LIPI: variants seen among roughly 807,000 people sequenced by gnomAD.
LIPI encodes lipase I.
LIPI carries 59 observed loss-of-function variants against 50.6 expected under a neutral mutation model. The observed-to-expected ratio is 1.16, with a 90% CI of 0.94 to 1.45. The LOEUF is 1.45. Ranked by LOEUF, LIPI falls within the 40% of genes most tolerant of loss-of-function variation. The pLI is 0.00. For missense variants in LIPI, 586 were observed against 536.3 expected (o/e 1.09, Z -0.92); for synonymous variants, 203 against 178.2 (o/e 1.14, Z -1.11).
chr21:14,187,088 C>T (rs1467253617), intron 2 of LIPI, among the ~76,000 whole-genome samples: 2 of 152,158 alleles, frequency 1.3e-5, no homozygotes, highest in African/African-American at 4.8e-5. Context: ...TAATGATTCT[C>T]ACTTCAGAGA....
intron 8 of LIPI, among the ~76,000 whole-genome samples, chr21:14,151,119 T>A (rs2018074918): frequency 1.3e-5 from 2 of 152,214 alleles, no homozygotes; most frequent in Non-Finnish European, 2.9e-5. Flanking sequence ...ACAGGTATTT[T>A]ATATTTTCGT....
At chr21:14,205,002 A>G (rs532280515) in intron 1 of LIPI, among the ~76,000 whole-genome samples, 1 of 151,954 alleles carries the variant, frequency 6.6e-6, no homozygotes, top group South Asian at 2.1e-4. Flanking sequence ...AAGGTAGGAA[A>G]GGAACTAATA....
At chr21:14,148,955 T>C (rs1388294641) in intron 8 of LIPI, among the ~76,000 whole-genome samples, 1 of 152,334 alleles carries the variant, frequency 6.6e-6, no homozygotes, top group Non-Finnish European at 1.5e-5. Context: ...TAGAATATAA[T>C]GTTTGTAAAT....
chr21:14,115,541 G>A (rs1254966848), intron 9 of LIPI, among the ~76,000 whole-genome samples: 1 of 152,064 alleles, frequency 6.6e-6, no homozygotes, highest in Non-Finnish European at 1.5e-5. Flanking sequence ...CATTTCTGGG[G>A]GCTCATCTGG....
intron 9 of LIPI, among the ~76,000 whole-genome samples, chr21:14,135,528 T>C (rs1224952794): frequency 3.3e-5 from 5 of 152,072 alleles, no homozygotes. Context: ...TGAGAGGCAT[T>C]GAATTCTGTG....
chr21:14,196,952 A>G (rs1600930803), intron 1 of LIPI, among the ~76,000 whole-genome samples: 1 of 152,134 alleles, frequency 6.6e-6, no homozygotes, highest in Admixed American at 6.6e-5. Context: ...TAAATAATAG[A>G]AAAAATATAA....
intron 9 of LIPI, among the ~76,000 whole-genome samples, chr21:14,126,876 A>C (rs1329155560): frequency 2.0e-5 from 3 of 152,192 alleles, no homozygotes; most frequent in African/African-American, 4.8e-5. Flanking sequence ...AAAAAGCAGC[A>C]TCAGGAAGTT....
At chr21:14,153,198 G>T (rs1474611721) in intron 7 of LIPI, among the ~76,000 whole-genome samples, 1 of 152,026 alleles carries the variant, frequency 6.6e-6, no homozygotes, top group East Asian at 1.9e-4. Flanking sequence ...ACTAAACTTT[G>T]GTAGAGTATA....
At chr21:14,115,707 G>C (rs1600824297) in intron 9 of LIPI, among the ~76,000 whole-genome samples, 1 of 152,234 alleles carries the variant, frequency 6.6e-6, no homozygotes, top group Non-Finnish European at 1.5e-5. Flanking sequence ...AAACGGAACC[G>C]ACTCAGGAGT....
intron 1 of LIPI, among the ~76,000 whole-genome samples, chr21:14,202,453 C>G (rs1169669249): frequency 6.6e-6 from 1 of 152,144 alleles, no homozygotes; most frequent in African/African-American, 2.4e-5. Flanking sequence ...CTACAGTATC[C>G]AAAACAGCAT....
intron 2 of LIPI, among the ~76,000 whole-genome samples, chr21:14,187,191 A>C (rs991716871): frequency 6.6e-6 from 1 of 152,126 alleles, no homozygotes; most frequent in Admixed American, 6.6e-5. Context: ...CCAACGTCTG[A>C]ATACCTCTTA....
At chr21:14,135,159 C>T (rs1166545669) in intron 9 of LIPI, among the ~76,000 whole-genome samples, 1 of 152,014 alleles carries the variant, frequency 6.6e-6, no homozygotes, top group African/African-American at 2.4e-5. Context: ...AGAAGACATA[C>T]AAGCAACCAA....
chr21:14,120,546 G>T (rs2123334508), intron 9 of LIPI, among the ~76,000 whole-genome samples: 1 of 152,324 alleles, frequency 6.6e-6, no homozygotes, highest in South Asian at 2.1e-4. Context: ...ACATCAAACA[G>T]GAGGAAGTGA....
Position 14,119,990 on chromosome 21 carries a change from T to C in LIPI, c.1296-10910A>G, listed in dbSNP as rs369986972. ...CCTAAGATGCTAAGATATCAAGGGC[T>C]CCTATGTGAGAATACATACATCACC... is the stretch of plus-strand genomic sequence containing the variant. On this transcript the variant is annotated intron_variant, in intron 9 of 9. Coordinates refer to ENST00000681601, the MANE Select transcript of LIPI (RefSeq NM_001302998.2). 1.4e-4 allele frequency among the ~76,000 whole-genome samples: 21 copies of C among 152,234 alleles called. No individual in the cohort carries two copies. In the South Asian group the frequency reaches 4.4e-3, roughly 32 times the overall value.
At chr21:14,117,639 A>C (rs2822411) in intron 9 of LIPI, among the ~76,000 whole-genome samples, 96,837 of 152,026 alleles carry the variant, frequency 0.64, 31,365 homozygotes, top group East Asian at 0.94. Flanking sequence ...GTGAGTTCTA[A>C]GAGAGGCCTT....
intron 4 of LIPI, among the ~76,000 whole-genome samples, chr21:14,169,311 G>C (rs146715368): frequency 0.017 from 2,609 of 152,154 alleles, 61 homozygotes; most frequent in African/African-American, 0.051. Context: ...CAACGAGACA[G>C]AAAGTTAACA....
chr21:14,209,283 T>C (rs1280455041), intron 1 of LIPI, among the ~76,000 whole-genome samples: 1 of 152,212 alleles, frequency 6.6e-6, no homozygotes, highest in East Asian at 1.9e-4. Flanking sequence ...ACTAAACTGC[T>C]TTTCGGAATG....
chr21:14,152,804 A>G, intron 7 of LIPI, 120 bp from the exon 8 acceptor site: 1 of 571,388 alleles, frequency 1.8e-6, no homozygotes, highest in East Asian at 3.0e-5. Context: ...CTCATATTAC[A>G]TATGCAAATA....
intron 4 of LIPI, among the ~76,000 whole-genome samples, chr21:14,168,472 G>A (rs897951258): frequency 2.0e-4 from 30 of 152,212 alleles, no homozygotes; most frequent in African/African-American, 6.0e-4. Flanking sequence ...GAGAAAGGTC[G>A]GGTTACCCAC....
Sources: gnomAD v4.1 joint callset for allele counts (sites outside exome capture counted in the v4.1 genomes callset) on GRCh38, gnomAD v4.1.1 for gene constraint, MANE v1.5 for transcripts, NCBI Gene and HGNC (gene_info 2026-07-23, HGNC 2026-07-21) for gene names.